SRRM1: variants seen among roughly 807,000 people sequenced by gnomAD.
The protein encoded by SRRM1 is serine/arginine repetitive matrix protein 1.
Under a neutral mutation model 110.2 loss-of-function variants are expected in SRRM1, and 19 were observed. The ratio of observed to expected loss-of-function variants is 0.17; its 90% CI spans 0.12 to 0.25. The LOEUF (loss-of-function observed/expected upper bound fraction) is 0.25, where lower values mean the gene tolerates loss of function less well. SRRM1 is among the 10% of genes least tolerant of loss of function. The pLI, the probability that SRRM1 is intolerant of heterozygous loss-of-function variation, is 1.00. For synonymous variants in SRRM1, 443 were observed against 414.9 expected, an observed-to-expected ratio of 1.07 and a Z score of -0.82; for missense variants, 918 against 1,145.8, an observed-to-expected ratio of 0.80 and a Z score of 2.87.
At chr1:24,652,029 A>AATTATATATATAT (rs1661022191) in intron 6 of SRRM1, among the ~76,000 whole-genome samples, 2 of 79,868 alleles carry the variant, frequency 2.5e-5, no homozygotes, top group Non-Finnish European at 5.1e-5. Flanking sequence ...CTGTACTAAA[A>AATTATATATATAT]ATATATATAT....
rs201276480 is a variant in SRRM1, at chr1:24,643,488, C to CG, written c.21+141_21+142insG. ...TTCCTCCTAGAGCCGGCGCACCCCC[C>CG]CCCCCCCCGTGCGCTGCGGCGGAGA... On this transcript the variant is annotated intron_variant, in intron 1 of 16. Transcript: ENST00000323848. 1,433 of 568,006 alleles carry CG rather than the reference C, an allele frequency of 2.5e-3. 105 individuals carry two copies. The African/African-American group carries it at 0.037, about 14-fold the overall frequency. The allele number at this position is 568,006 out of a possible 1,614,324, so 35.2% of individuals were successfully genotyped here.
chr1:24,661,188 A>T (rs1055440964), intron 10 of SRRM1, 122 bp from the exon 11 acceptor site: 1 of 628,052 alleles, frequency 1.6e-6, no homozygotes, highest in Non-Finnish European at 2.8e-6. Flanking sequence ...TAAAAAAAAT[A>T]TATAGTAGTT....
chr1:24,654,447 C>G (rs977057258), intron 8 of SRRM1: 2 of 1,010,156 alleles, frequency 2.0e-6, no homozygotes, highest in African/African-American at 1.7e-5. Flanking sequence ...TTTTGCACAT[C>G]TTTTTTAAAA....
intron 13 of SRRM1, among the ~76,000 whole-genome samples, chr1:24,667,947 T>TA (rs1302689114): frequency 6.7e-6 from 1 of 150,030 alleles, no homozygotes; most frequent in African/African-American, 2.5e-5. Flanking sequence ...CCAAGCAATG[T>TA]AATGACATGC....
In SRRM1 at chr1:24,651,631, A is replaced by G. The variant is rs1056630344; in HGVS notation, c.725+19A>G. ...CTACTAGGCAAGTATATAAAAATTC[A>G]TTTATAAATAATCACAATTTTAGAT... On this transcript the variant is annotated intron_variant, in intron 6 of 16. Coordinates refer to ENST00000323848, the MANE Select transcript of SRRM1 (RefSeq NM_005839.4). 1 of 1,550,900 alleles carries G rather than the reference A, an allele frequency of 6.4e-7. No individual in the cohort carries two copies. Among genetic ancestry groups the G allele is most frequent in the Non-Finnish European group, 8.8e-7 (1 of 1,136,540 alleles).
rs1671791241 is a variant in SRRM1 at position 24,669,755 on chromosome 1, G to A, written c.2204+168G>A. 1.7e-5 allele frequency: 11 copies of A among 651,244 alleles called. No homozygotes were observed. The South Asian group carries it at 2.2e-4, about 13-fold the overall frequency. The allele number at this position is 651,244 out of a possible 1,614,324, so 40.3% of individuals were successfully genotyped here. On this transcript the variant is annotated intron_variant, in intron 14 of 16. Coordinates refer to ENST00000323848, the MANE Select transcript of SRRM1 (RefSeq NM_005839.4). ...TCCATTTTTTGGGATAGTTTCTGTG[G>A]TATAAGTTAAATGCCACAGGCTTTT...
intron 2 of SRRM1, 66 bp from the exon 3 acceptor site, chr1:24,646,601 A>ACT (rs2148194451): frequency 7.1e-7 from 1 of 1,414,986 alleles, no homozygotes; most frequent in Admixed American, 2.4e-5. Flanking sequence ...GGTAGACAGA[A>ACT]CTCTAACTTG....
intron 9 of SRRM1, 44 bp from the exon 10 acceptor site, chr1:24,660,675 C>T: frequency 1.8e-6 from 2 of 1,122,372 alleles, no homozygotes; most frequent in Non-Finnish European, 2.6e-6. Context: ...TTGTATAGAC[C>T]TTTTTTTGTA....
chr1:24,661,266 A>G (rs748553528), intron 10 of SRRM1, 44 bp from the exon 11 acceptor site: 36 of 1,489,628 alleles, frequency 2.4e-5, no homozygotes, highest in Non-Finnish European at 3.1e-5. Context: ...AATTTTCTAT[A>G]TGCTTAACTA....
chr1:24,668,802 G>A (rs1036337713), intron 13 of SRRM1, among the ~76,000 whole-genome samples: 17 of 152,270 alleles, frequency 1.1e-4, no homozygotes, highest in African/African-American at 4.1e-4. Flanking sequence ...GCAAGATTCT[G>A]TTTTCAAAAA....
chr1:24,643,452 G>T, intron 1 of SRRM1, 105 bp downstream of exon 1: 3 of 839,564 alleles, frequency 3.6e-6, no homozygotes, highest in South Asian at 2.6e-5. Flanking sequence ...GAGCTTCGGA[G>T]ATCTTAAGGA....
rs1659724929 is a variant in SRRM1, at chr1:24,650,046, A to C, written c.481A>C (p.Ser161Arg). Residue 161 changes from serine (S) to arginine (R), a missense_variant, in exon 5 of 17, where the codon AGC (serine) becomes CGC (arginine). Physicochemically the swap from Ser to Arg is moderately radical, Grantham distance 110. This residue lies in a region of SRRM1 where 456 missense variants were observed against 453.5 expected (regional missense o/e 1.01). Coordinates refer to ENST00000323848, the MANE Select transcript of SRRM1 (RefSeq NM_005839.4). ...TAAAAGAGATAAGGAAGAAAAAGAA[A>C]GCAGCAGAGAAAAAAGGGAGCGGTC... Reference protein sequence around the residue: ...KDKRDKEEKESSREKRERSRS... With the variant: ...KDKRDKEEKERSREKRERSRS... 3 of 1,595,270 alleles carry C rather than the reference A, an allele frequency of 1.9e-6. No homozygotes were observed. Among genetic ancestry groups the C allele is most frequent in the Admixed American group, 1.7e-5 (1 of 57,206 alleles).
At chr1:24,647,842 T>C (rs1658454623) in intron 3 of SRRM1, 1 of 152,290 alleles carries the variant, frequency 6.6e-6, no homozygotes, top group African/African-American at 2.4e-5. Flanking sequence ...TAAATGATGA[T>C]TGAAGATAGA....
At chr1:24,650,439 A>G (rs1659984639) in intron 5 of SRRM1, 1 of 157,492 alleles carries the variant, frequency 6.3e-6, no homozygotes, top group Admixed American at 6.5e-5. Flanking sequence ...TCTAAAAAGA[A>G]ATCTGTACTC....
intron 13 of SRRM1, 52 bp from the exon 14 acceptor site, chr1:24,669,071 T>G (rs1461945855): frequency 6.7e-7 from 1 of 1,495,260 alleles, no homozygotes; most frequent in Non-Finnish European, 9.2e-7. Flanking sequence ...CTTTTCATCC[T>G]GTTTCTGTAT....
rs79455285 is a variant in SRRM1 at position 24,667,162 on chromosome 1, C to T, written c.1739+237C>T. Among the ~76,000 whole-genome samples the T allele has an allele frequency of 1.5e-4, 23 of 152,216 alleles. No homozygotes were observed. In the East Asian group the frequency reaches 3.3e-3, roughly 22 times the overall value. On this transcript the variant is annotated intron_variant, in intron 13 of 16. Transcript: ENST00000323848. ...TTGTTCAGCCAGTCATAAAAGAACA[C>T]GTATGATTCCATCTATATGAAAAGT... is the stretch of plus-strand genomic sequence containing the variant.
At chr1:24,658,055 A>G (rs1048967176) in intron 9 of SRRM1, among the ~76,000 whole-genome samples, 1 of 152,172 alleles carries the variant, frequency 6.6e-6, no homozygotes, top group African/African-American at 2.4e-5. Flanking sequence ...TGTCCCTTGA[A>G]TACTTAAAAC....
At chr1:24,660,999 T>C in intron 10 of SRRM1, 200 bp downstream of exon 10, 3 of 543,168 alleles carry the variant, frequency 5.5e-6, no homozygotes, top group Non-Finnish European at 6.6e-6. Context: ...AATTAACTTA[T>C]CTGAGCCTTT....
Position 24,662,701 on chromosome 1 carries a change from A to G in SRRM1, c.1525A>G (p.Arg509Gly). The change falls in exon 12 of 17, where the codon AGA becomes GGA. Residue 509 changes from arginine (R) to glycine (G), a missense_variant. Transcript: ENST00000323848. ...CTCCTCAGAAGATGAACGACCCAAG[A>G]GATCCCATGTGAAGAATGGTGAGGT... is the stretch of plus-strand genomic sequence containing the variant. ...SSSSEDERPK[R>G]SHVKNGEVGR... is the part of the protein sequence containing the mutation. The G allele has an allele frequency of 6.2e-7, 1 of 1,614,186 alleles. No homozygotes were observed. Among genetic ancestry groups the G allele is most frequent in the Non-Finnish European group, 8.5e-7 (1 of 1,180,040 alleles).
Sources: gnomAD v4.1 joint callset for allele counts (sites outside exome capture counted in the v4.1 genomes callset) on GRCh38, gnomAD v4.1.1 for gene constraint, gnomAD v4.1.1 regional missense constraint, MANE v1.5 for transcripts, NCBI Gene and HGNC (gene_info 2026-07-23, HGNC 2026-07-21) for gene names.